CDCP1: variants seen among roughly 807,000 people sequenced by gnomAD.
CDCP1 encodes CUB domain containing protein 1.
A neutral mutation model predicts 60.2 loss-of-function variants in CDCP1; 29 were observed. That is an observed-to-expected ratio of 0.48 (90% CI 0.36 to 0.66). The LOEUF (loss-of-function observed/expected upper bound fraction) is 0.66. Ranked by LOEUF, CDCP1 falls within the 30% of genes least tolerant of loss-of-function variation. CDCP1 has a pLI of 0.00. For missense variants in CDCP1, 876 were observed against 1,074.3 expected (o/e 0.82, Z 2.58); for synonymous variants, 387 against 431.1 (o/e 0.90, Z 1.27).
rs758194418 is a variant in CDCP1 at position 45,093,357 on chromosome 3, G to C, written c.1547C>G (p.Thr516Ser). 1.2e-6 allele frequency: 2 copies of C among 1,614,218 alleles called. No individual in the cohort carries two copies. Among genetic ancestry groups the C allele is most frequent in the Admixed American group, 3.3e-5 (2 of 60,028 alleles). The change falls in exon 6 of 9, where the codon ACC becomes AGC. Residue 516 changes from threonine (T) to serine (S), a missense_variant. By Grantham distance (58) the Thr-to-Ser change is moderately conservative. Transcript: ENST00000296129. ...QIQVKQNISV[T>S]LRTFAPSFQQ... ...GAAGCTGGGGGCAAAGGTGCGAAGG[G>C]TCACCGAGATGTTCTGCTTCACCTG... is the stretch of plus-strand genomic sequence containing the variant.
chr3:45,093,693 G>A (rs777150561), intron 5 of CDCP1, 36 bp from the exon 6 acceptor site: 2 of 1,574,000 alleles, frequency 1.3e-6, no homozygotes, highest in South Asian at 1.2e-5. Context: ...ATGCACAAAG[G>A]AGACCAGAAG....
chr3:45,117,520 C>T (rs189010887), intron 2 of CDCP1, among the ~76,000 whole-genome samples: 1 of 152,214 alleles, frequency 6.6e-6, no homozygotes, highest in African/African-American at 2.4e-5. Flanking sequence ...CCAAACCCAA[C>T]TCCATCATTC....
chr3:45,091,496 AC>A lies in CDCP1; in HGVS notation c.1669del (p.Val557SerfsTer3). 6.2e-7 allele frequency: 1 copy of A among 1,608,466 alleles called. No individual in the cohort carries two copies. Among genetic ancestry groups the A allele is most frequent in the Non-Finnish European group, 8.5e-7 (1 of 1,177,318 alleles). ...GTCCCAGTTGGGGGTCCTCAGGTAG[AC>A]CTTGCTTTTTGTGTCAGGGGTCACC... Reference protein sequence around the residue: ...FTVTPDTKSKVYLRTPNWDRG... With the variant: ...FTVTPDTKSKXYLRTPNWDRG... On this transcript the variant is annotated frameshift_variant, in exon 7 of 9. Transcript: ENST00000296129. LOFTEE classifies it high-confidence loss of function. This position sits in a 1 kb window ranked among gnomAD's most constrained non-coding sequence, Gnocchi z 4.8.
intron 1 of CDCP1, among the ~76,000 whole-genome samples, chr3:45,132,981 G>A (rs1036818760): frequency 6.6e-6 from 1 of 152,186 alleles, no homozygotes; most frequent in Non-Finnish European, 1.5e-5. Flanking sequence ...GACTATCCTG[G>A]GTGGTTCTGG....
At chr3:45,116,427 A>G (rs1437092883) in intron 2 of CDCP1, among the ~76,000 whole-genome samples, 2 of 149,870 alleles carry the variant, frequency 1.3e-5, no homozygotes, top group Non-Finnish European at 3.0e-5. Context: ...AAAAAAAAAG[A>G]CATTTAAAAT....
At chr3:45,096,623 C>CAAAAAAAAAAAAAA (rs5848726) in intron 4 of CDCP1, among the ~76,000 whole-genome samples, 1 of 53,182 alleles carries the variant, frequency 1.9e-5, no homozygotes, top group South Asian at 1.4e-3. Context: ...GACTCCGTCT[C>CAAAAAAAAAAAAAA]AAAAAAAAAA....
chr3:45,137,652 C>A (rs370572745), intron 1 of CDCP1, among the ~76,000 whole-genome samples: 829 of 117,894 alleles, frequency 7.0e-3, no homozygotes, highest in Non-Finnish European at 7.5e-3. Flanking sequence ...ATTAAAAATA[C>A]AAAAAAAAAA....
chr3:45,115,467 C>G (rs1396573258), intron 2 of CDCP1, among the ~76,000 whole-genome samples: 2 of 152,076 alleles, frequency 1.3e-5, no homozygotes, highest in Non-Finnish European at 2.9e-5. Context: ...AACTATTGTC[C>G]TACTATAAGC....
chr3:45,099,521 T>C (rs1331263637), intron 4 of CDCP1, among the ~76,000 whole-genome samples: 6 of 152,190 alleles, frequency 3.9e-5, no homozygotes, highest in Admixed American at 1.3e-4. Flanking sequence ...CCCCTTCCAG[T>C]TGGCAACTCA....
At chr3:45,123,273 A>G (rs1314091385) in intron 1 of CDCP1, among the ~76,000 whole-genome samples, 1 of 152,192 alleles carries the variant, frequency 6.6e-6, no homozygotes, top group Non-Finnish European at 1.5e-5. Context: ...CCTGGCTGAG[A>G]TGATCAACCC....
chr3:45,122,720 C>G (rs904039707), intron 1 of CDCP1, among the ~76,000 whole-genome samples: 3 of 152,176 alleles, frequency 2.0e-5, no homozygotes, highest in African/African-American at 7.2e-5. Flanking sequence ...TCCCAAAGTG[C>G]TGGGATTACA....
chr3:45,110,316 C>T lies in CDCP1; in HGVS notation c.1024+157G>A, dbSNP rs374433057. ...TTCACCAACAAGCCTGTCTAACTGCCTAGCAACCCACTTCCTGAAACTCTT... is the reference window on the plus strand; with the variant it reads ...TTCACCAACAAGCCTGTCTAACTGCTTAGCAACCCACTTCCTGAAACTCTT... On this transcript the variant is annotated intron_variant, in intron 4 of 8. Coordinates refer to ENST00000296129, the MANE Select transcript of CDCP1 (RefSeq NM_022842.5). 1.6e-4 allele frequency: 225 copies of T among 1,444,982 alleles called. No individual in the cohort carries two copies. In the African/African-American group the frequency reaches 2.9e-3, roughly 19 times the overall value. The allele number at this position is 1,444,982 out of a possible 1,614,324, so 89.5% of individuals were successfully genotyped here.
chr3:45,111,081 C>G (rs570689534), intron 3 of CDCP1, among the ~76,000 whole-genome samples: 1 of 152,230 alleles, frequency 6.6e-6, no homozygotes, highest in East Asian at 1.9e-4. Flanking sequence ...TGACTTATAG[C>G]GTCTGCCCAC....
chr3:45,108,807 G>A (rs1364209184), intron 4 of CDCP1, among the ~76,000 whole-genome samples: 1 of 31,204 alleles, frequency 3.2e-5, no homozygotes, highest in Admixed American at 3.4e-4. Flanking sequence ...ATATATATAT[G>A]CATGTATACA....
At chr3:45,136,639 C>T (rs1699196095) in intron 1 of CDCP1, among the ~76,000 whole-genome samples, 1 of 152,230 alleles carries the variant, frequency 6.6e-6, no homozygotes. Context: ...TGGTCATCAA[C>T]TCCTCAGTTC....
chr3:45,086,197 G>T, intron 8 of CDCP1, 130 bp from the exon 9 acceptor site: 1 of 787,022 alleles, frequency 1.3e-6, no homozygotes, highest in Non-Finnish European at 2.0e-6. Flanking sequence ...CCCTCAGATT[G>T]CTCAGCATTT....
intron 4 of CDCP1, among the ~76,000 whole-genome samples, chr3:45,098,979 C>G (rs1170958434): frequency 1.3e-5 from 2 of 152,066 alleles, no homozygotes; most frequent in Admixed American, 1.3e-4. Flanking sequence ...CTCTCCAGAG[C>G]CTTTTCAATG....
intron 8 of CDCP1, among the ~76,000 whole-genome samples, chr3:45,086,954 G>C (rs7650403): frequency 0.69 from 104,365 of 152,118 alleles, 36,494 homozygotes; most frequent in Middle Eastern, 0.74. Flanking sequence ...TGGACAGGCT[G>C]TCTGTACTTT....
chr3:45,099,408 C>G (rs747358466), intron 4 of CDCP1, among the ~76,000 whole-genome samples: 1 of 151,922 alleles, frequency 6.6e-6, no homozygotes. Context: ...AACTTTTTTA[C>G]CTCTTCTCTA....
Sources: allele counts gnomAD v4.1 joint callset (sites outside exome capture counted in the v4.1 genomes callset), GRCh38; gene constraint gnomAD v4.1.1; non-coding constraint Gnocchi (gnomAD v3.1); transcripts MANE v1.5; gene names NCBI Gene and HGNC (gene_info 2026-07-23, HGNC 2026-07-21).